The following UMAD1 variants were observed in gnomAD, a reference collection of about 807,000 sequenced individuals.
UMAD1 encodes the protein UBAP1-MVB12-associated (UMA) domain containing 1, also known as UBAP1-MVB12-associated (UMA)-domain containing protein 1.
Under a neutral mutation model 6.1 loss-of-function variants are expected in UMAD1, and 8 were observed. The ratio of observed to expected loss-of-function variants is 1.30; its 90% CI spans 0.76 to 2.35. The LOEUF (loss-of-function observed/expected upper bound fraction) is 2.35, where lower values mean the gene tolerates loss of function less well. Among genes scored for constraint, UMAD1 ranks in the 30% most tolerant of loss-of-function variants. The pLI is 0.00. For synonymous variants in UMAD1, 56 were observed against 31.4 expected (o/e 1.78, Z -2.61); for missense variants, 130 against 78.4 (o/e 1.66, Z -2.49).
intron 3 of UMAD1, among the ~76,000 whole-genome samples, chr7:7,845,138 A>C (rs1015040170): frequency 6.6e-6 from 1 of 152,226 alleles, no homozygotes; most frequent in African/African-American, 2.4e-5. Flanking sequence ...ACTGGATTTC[A>C]AAGTCTTAGT....
intron 2 of UMAD1, among the ~76,000 whole-genome samples, chr7:7,800,471 G>A (rs143076286): frequency 5.9e-4 from 89 of 152,000 alleles, no homozygotes; most frequent in African/African-American, 1.9e-3. Context: ...GGTTTTGGGG[G>A]AACAGATGGT....
intron 2 of UMAD1, among the ~76,000 whole-genome samples, chr7:7,733,621 C>T (rs1444256611): frequency 1.4e-5 from 2 of 147,468 alleles, no homozygotes; most frequent in Admixed American, 6.9e-5. Flanking sequence ...ACAGAATTAT[C>T]CCAGGCCAGT....
chr7:7,676,840 A>G (rs1467675061), intron 2 of UMAD1, among the ~76,000 whole-genome samples: 1 of 152,192 alleles, frequency 6.6e-6, no homozygotes, highest in Non-Finnish European at 1.5e-5. Flanking sequence ...TTGACAGATT[A>G]TTAGGAATAT....
intron 3 of UMAD1, among the ~76,000 whole-genome samples, chr7:7,826,692 A>AC (rs1371178989): frequency 6.6e-6 from 1 of 152,050 alleles, no homozygotes; most frequent in South Asian, 2.1e-4. Flanking sequence ...GGTAAAACCC[A>AC]CCCCCCTTTA....
chr7:7,653,517 C>G (rs776152105), intron 1 of UMAD1, among the ~76,000 whole-genome samples: 9 of 152,194 alleles, frequency 5.9e-5, no homozygotes, highest in African/African-American at 1.9e-4. Flanking sequence ...AAAAAAACCT[C>G]TTGAAATTAA....
intron 2 of UMAD1, among the ~76,000 whole-genome samples, chr7:7,698,518 A>G (rs1206618441): frequency 6.6e-6 from 1 of 152,168 alleles, no homozygotes; most frequent in Non-Finnish European, 1.5e-5. Context: ...AGGTTGAATC[A>G]TTGCAGGCTT....
chr7:7,676,803 A>G (rs1308071072), intron 2 of UMAD1, among the ~76,000 whole-genome samples: 2 of 152,302 alleles, frequency 1.3e-5, no homozygotes, highest in Middle Eastern at 3.4e-3. Flanking sequence ...GTGGTGAAGA[A>G]CTTAACTGAA....
intron 2 of UMAD1, among the ~76,000 whole-genome samples, chr7:7,709,084 T>A (rs1780682760): frequency 6.6e-6 from 1 of 152,188 alleles, no homozygotes; most frequent in South Asian, 2.1e-4. Flanking sequence ...TCTTTCAGTG[T>A]CTTGCATAAT....
At chr7:7,657,885 C>G (rs1785380047) in intron 1 of UMAD1, among the ~76,000 whole-genome samples, 2 of 152,152 alleles carry the variant, frequency 1.3e-5, no homozygotes, top group South Asian at 2.1e-4. Flanking sequence ...AGCATTGAAT[C>G]TGTAAATTAC....
At chr7:7,846,702 T>A (rs1783789580) in intron 3 of UMAD1, among the ~76,000 whole-genome samples, 1 of 152,086 alleles carries the variant, frequency 6.6e-6, no homozygotes, top group Non-Finnish European at 1.5e-5. Flanking sequence ...TCGAAACCAA[T>A]ACTTTTCAAT....
At chr7:7,797,530 C>T (rs573954997) in intron 2 of UMAD1, among the ~76,000 whole-genome samples, 23 of 152,264 alleles carry the variant, frequency 1.5e-4, no homozygotes, top group African/African-American at 5.5e-4. Flanking sequence ...CTTCTCCCAT[C>T]ACTGGAAATT....
intron 1 of UMAD1, among the ~76,000 whole-genome samples, chr7:7,672,741 A>G (rs553257870): frequency 4.7e-4 from 72 of 152,310 alleles, no homozygotes; most frequent in African/African-American, 1.6e-3. Flanking sequence ...CTGTGAGTCA[A>G]TTAAATCTCC....
chr7:7,801,548 A>G (rs1782798824), intron 2 of UMAD1, 122 bp from the exon 3 acceptor site: 2 of 602,024 alleles, frequency 3.3e-6, no homozygotes, highest in East Asian at 2.8e-5. Context: ...AACAAGGGAA[A>G]TAGTGGTTTC....
chr7:7,806,542 GA>G (rs1430359389), intron 3 of UMAD1, among the ~76,000 whole-genome samples: 4 of 152,190 alleles, frequency 2.6e-5, no homozygotes, highest in South Asian at 4.1e-4. Context: ...GTAGATAAAT[GA>G]AAAATAAATA....
chr7:7,817,777 TG>T (rs1783161424), intron 3 of UMAD1, among the ~76,000 whole-genome samples: 1 of 152,240 alleles, frequency 6.6e-6, no homozygotes, highest in Non-Finnish European at 1.5e-5. Context: ...ACATTTTCAA[TG>T]GTACTTTTTA....
chr7:7,757,831 A>C (rs948957975), intron 2 of UMAD1, among the ~76,000 whole-genome samples: 1 of 152,142 alleles, frequency 6.6e-6, no homozygotes, highest in Non-Finnish European at 1.5e-5. Context: ...ATATATGCCC[A>C]CTAAGTCTTA....
chr7:7,662,526 C>A (rs1785501447), intron 1 of UMAD1, among the ~76,000 whole-genome samples: 1 of 152,154 alleles, frequency 6.6e-6, no homozygotes, highest in African/African-American at 2.4e-5. Context: ...GTGCACTGTT[C>A]CTCACCGCAC....
chr7:7,783,416 AAG>A (rs1417080436), intron 2 of UMAD1, among the ~76,000 whole-genome samples: 6 of 151,900 alleles, frequency 3.9e-5, no homozygotes, highest in African/African-American at 7.2e-5. Flanking sequence ...TTTTTTCTAA[AAG>A]AGAAATTCAG....
At chr7:7,692,481 A>T (rs1309730074) in intron 2 of UMAD1, 1 of 152,244 alleles carries the variant, frequency 6.6e-6, no homozygotes, top group Non-Finnish European at 1.5e-5. Context: ...GGAAATTTAT[A>T]TTCATACAGT....
Sources: gnomAD v4.1 joint callset for allele counts (sites outside exome capture counted in the v4.1 genomes callset) on GRCh38, gnomAD v4.1.1 for gene constraint, MANE v1.5 for transcripts, NCBI Gene and HGNC (gene_info 2026-07-23, HGNC 2026-07-21) for gene names.